The following DPP10 variants were observed in gnomAD, a reference collection of about 807,000 sequenced individuals.
DPP10 encodes inactive dipeptidyl peptidase 10.
A neutral mutation model predicts 120.9 loss-of-function variants in DPP10; 33 were observed. That is an observed-to-expected ratio of 0.27 (90% confidence interval 0.21 to 0.37). The LOEUF (loss-of-function observed/expected upper bound fraction) is 0.37, where lower values mean the gene tolerates loss of function less well. Among genes scored for constraint, DPP10 ranks in the 10% least tolerant of loss-of-function variants. The probability of loss-of-function intolerance (pLI) is 1.00; values close to 1 mark genes in which losing one functional copy is unlikely to be tolerated. For synonymous variants in DPP10, 337 were observed against 326.1 expected (o/e 1.03, Z -0.36); for missense variants, 816 against 942.8 (o/e 0.87, Z 1.76).
intron 5 of DPP10, among the ~76,000 whole-genome samples, chr2:115,630,902 A>G (rs6756833): frequency 6.6e-6 from 1 of 151,978 alleles, no homozygotes; most frequent in Non-Finnish European, 1.5e-5. Flanking sequence ...TGGTATCAGG[A>G]TGATGCTGGC....
chr2:115,290,265 G>A (rs1275376074), intron 1 of DPP10, among the ~76,000 whole-genome samples: 2 of 152,104 alleles, frequency 1.3e-5, no homozygotes, highest in Non-Finnish European at 2.9e-5. Flanking sequence ...GTGTTTAGGA[G>A]TGAAGTGTAC....
chr2:115,411,088 G>C (rs1406916937), intron 3 of DPP10, among the ~76,000 whole-genome samples: 1 of 152,132 alleles, frequency 6.6e-6, no homozygotes, highest in Non-Finnish European at 1.5e-5. Flanking sequence ...CCAGCACTTT[G>C]GGAGGCCGAG....
At position 115,163,631 on chromosome 2, in the gene DPP10, T is replaced by C. The variant is rs564769780; in HGVS notation, c.61-145608T>C. ...AATAATTTCAGAACGGGAACATGGA[T>C]TGAACATCCTCTTTCAGGCTGACAG... On this transcript the variant is annotated intron_variant, in intron 1 of 25. Transcript: ENST00000410059. Among the ~76,000 whole-genome samples the C allele has an allele frequency of 2.0e-5, 3 of 152,320 alleles. No homozygotes were observed. In the South Asian group the frequency reaches 6.2e-4, roughly 32 times the overall value.
chr2:115,640,205 C>CT (rs1217852466), intron 5 of DPP10, among the ~76,000 whole-genome samples: 3 of 152,046 alleles, frequency 2.0e-5, no homozygotes, highest in Admixed American at 1.3e-4. Context: ...TCCTATTAAA[C>CT]TAAGTCTGTG....
intron 1 of DPP10, among the ~76,000 whole-genome samples, chr2:114,765,565 G>GA (rs1260507832): frequency 6.6e-6 from 1 of 152,138 alleles, no homozygotes; most frequent in Non-Finnish European, 1.5e-5. Flanking sequence ...ACTACAGTCG[G>GA]AAAAATCTGA....
intron 1 of DPP10, among the ~76,000 whole-genome samples, chr2:114,774,862 C>A (rs1681589493): frequency 6.6e-6 from 1 of 151,710 alleles, no homozygotes; most frequent in Non-Finnish European, 1.5e-5. Flanking sequence ...TAGGTCAAAG[C>A]CTTTCAACTT....
intron 5 of DPP10, among the ~76,000 whole-genome samples, chr2:115,625,596 A>G (rs1204370813): frequency 6.6e-6 from 1 of 152,162 alleles, no homozygotes; most frequent in Non-Finnish European, 1.5e-5. Context: ...TGTAGTTTGG[A>G]AAATCAACTA....
intron 19 of DPP10, among the ~76,000 whole-genome samples, chr2:115,805,379 C>T (rs984326357): frequency 5.3e-5 from 8 of 152,098 alleles, no homozygotes; most frequent in Non-Finnish European, 7.4e-5. Flanking sequence ...TTGCGCTTCC[C>T]GGGTGAGGCG....
chr2:115,069,474 C>T (rs1176246593), intron 1 of DPP10, among the ~76,000 whole-genome samples: 1 of 151,968 alleles, frequency 6.6e-6, no homozygotes, highest in Non-Finnish European at 1.5e-5. Context: ...ACAGTCATGC[C>T]ATCTGCAAAG....
intron 1 of DPP10, among the ~76,000 whole-genome samples, chr2:115,252,789 T>A (rs1207985118): frequency 6.6e-6 from 1 of 152,248 alleles, no homozygotes; most frequent in Non-Finnish European, 1.5e-5. Context: ...ATTTCTCTGA[T>A]GCAGTGCTTC....
intron 1 of DPP10, among the ~76,000 whole-genome samples, chr2:115,136,265 G>C (rs1322022573): frequency 6.6e-6 from 1 of 152,108 alleles, no homozygotes; most frequent in African/African-American, 2.4e-5. Context: ...AAGTGTCTTG[G>C]ACTCTCCATT....
At chr2:114,997,520 T>A (rs964025016) in intron 1 of DPP10, among the ~76,000 whole-genome samples, 10 of 120,354 alleles carry the variant, frequency 8.3e-5, no homozygotes, top group Non-Finnish European at 1.1e-4. Flanking sequence ...AAGAAAAAAA[T>A]TCATACATGG....
intron 5 of DPP10, among the ~76,000 whole-genome samples, chr2:115,654,114 G>C (rs2088062220): frequency 6.6e-6 from 1 of 151,582 alleles, no homozygotes; most frequent in Non-Finnish European, 1.5e-5. Context: ...ATTTGATTTT[G>C]ATTTTCTTGA....
chr2:114,927,945 A>G (rs1476676303), intron 1 of DPP10, among the ~76,000 whole-genome samples: 1 of 151,534 alleles, frequency 6.6e-6, no homozygotes, highest in Non-Finnish European at 1.5e-5. Flanking sequence ...TTATCAACCA[A>G]CTCTTGTGGG....
At chr2:114,973,584 C>G (rs1699536922) in intron 1 of DPP10, among the ~76,000 whole-genome samples, 1 of 133,974 alleles carries the variant, frequency 7.5e-6, no homozygotes, top group Non-Finnish European at 1.5e-5. Flanking sequence ...ATGGCATGAA[C>G]CCGGGAGGTG....
intron 5 of DPP10, among the ~76,000 whole-genome samples, chr2:115,545,915 T>C (rs184287134): frequency 3.3e-5 from 5 of 152,208 alleles, no homozygotes; most frequent in Admixed American, 3.3e-4. Context: ...AAAGTAGATG[T>C]CATGGTCCCC....
chr2:115,819,452 C>G (rs950095747), intron 21 of DPP10, among the ~76,000 whole-genome samples: 1 of 152,116 alleles, frequency 6.6e-6, no homozygotes, highest in Non-Finnish European at 1.5e-5. Flanking sequence ...AGGGCACTCT[C>G]TTGCTCTCAT....
intron 1 of DPP10, among the ~76,000 whole-genome samples, chr2:114,476,944 A>C (rs55866362): frequency 0.015 from 2,310 of 151,792 alleles, 56 homozygotes; most frequent in African/African-American, 0.054. Context: ...TTTGCCCTTA[A>C]GTTCTTTATA....
rs550338279 is a variant in DPP10 at position 114,470,172 on chromosome 2, A to T, written c.60+27334A>T. ...GAGCTGACAGCAGCACAGAACCGTC[A>T]AAACCATTGCTGTGTTGTCTCCATA... On this transcript the variant is annotated intron_variant, in intron 1 of 25. Coordinates refer to ENST00000410059, the MANE Select transcript of DPP10 (RefSeq NM_020868.6). Among the ~76,000 whole-genome samples, 5 of 152,350 alleles carry T rather than the reference A, an allele frequency of 3.3e-5. No individual in the cohort carries two copies. In the East Asian group the frequency reaches 7.7e-4, roughly 24 times the overall value.
Sources: gnomAD v4.1 joint callset for allele counts (sites outside exome capture counted in the v4.1 genomes callset) on GRCh38, gnomAD v4.1.1 for gene constraint, MANE v1.5 for transcripts, NCBI Gene and HGNC (gene_info 2026-07-23, HGNC 2026-07-21) for gene names.